The following CCDC178 variants were observed in gnomAD, a reference collection of about 807,000 sequenced individuals.
CCDC178 encodes coiled-coil domain containing 178, also known as coiled-coil domain-containing protein 178.
In CCDC178, 126 loss-of-function variants were observed where a neutral mutation model predicts 117.4. The observed-to-expected ratio is 1.07, with a 90% CI of 0.93 to 1.24. The LOEUF (loss-of-function observed/expected upper bound fraction) is 1.24, where lower values mean the gene tolerates loss of function less well. Among genes scored for constraint, CCDC178 ranks in the 50% most tolerant of loss-of-function variants. The pLI, the probability that CCDC178 is intolerant of heterozygous loss-of-function variation, is 0.00. For synonymous variants in CCDC178, 283 were observed against 313.4 expected (o/e 0.90, Z 1.02); for missense variants, 1,030 against 986.9 (o/e 1.04, Z -0.59).
chr18:33,180,019 T>C (rs529940298), intron 20 of CCDC178, among the ~76,000 whole-genome samples: 1 of 152,100 alleles, frequency 6.6e-6, no homozygotes, highest in African/African-American at 2.4e-5. Context: ...GACATTTGCT[T>C]GGAGGCTATT....
rs569618622 is a variant in CCDC178 at position 33,221,523 on chromosome 18, C to T, written c.1932+1583G>A. On this transcript the variant is annotated intron_variant, in intron 18 of 22. Transcript: ENST00000383096. ...AAGGCAAAGAGGTATGTATAAGGAG[C>T]GTCCCTTGGGAGTGATGAGGATACC... Among the ~76,000 whole-genome samples, 56 of 152,138 alleles carry T rather than the reference C, an allele frequency of 3.7e-4. 1 individual carries two copies. Among genetic ancestry groups the T allele is most frequent in the Middle Eastern group, 3.4e-3 (1 of 294 alleles).
chr18:33,058,502 T>C (rs1043604228), intron 21 of CCDC178, among the ~76,000 whole-genome samples: 1 of 152,146 alleles, frequency 6.6e-6, no homozygotes, highest in Non-Finnish European at 1.5e-5. Context: ...ACAGAAATAG[T>C]AAACCTCCTA....
At chr18:33,308,013 G>T (rs1313361681) in intron 11 of CCDC178, among the ~76,000 whole-genome samples, 1 of 152,218 alleles carries the variant, frequency 6.6e-6, no homozygotes, top group African/African-American at 2.4e-5. Flanking sequence ...AGGAATGTGG[G>T]GTCAGAGCTC....
chr18:33,093,607 C>G (rs1359528456), intron 20 of CCDC178, among the ~76,000 whole-genome samples: 2 of 151,736 alleles, frequency 1.3e-5, no homozygotes, highest in East Asian at 3.9e-4. Context: ...CTTTGCATCA[C>G]TATTCATTGG....
intron 11 of CCDC178, among the ~76,000 whole-genome samples, chr18:33,299,890 G>T (rs1167509073): frequency 6.6e-6 from 1 of 151,954 alleles, no homozygotes; most frequent in Non-Finnish European, 1.5e-5. Context: ...CAACAATGAG[G>T]TATCATATCA....
chr18:32,994,478 G>A (rs2055461500), intron 21 of CCDC178, among the ~76,000 whole-genome samples: 1 of 152,016 alleles, frequency 6.6e-6, no homozygotes, highest in African/African-American at 2.4e-5. Context: ...GTACAAATCT[G>A]GACCTATATT....
At position 33,323,527 on chromosome 18, in the gene CCDC178, T is replaced by C. The variant is rs761442755; in HGVS notation, c.986A>G (p.Asp329Gly). 1 of 1,561,986 alleles carries C rather than the reference T, an allele frequency of 6.4e-7. No homozygotes were observed. The highest frequency in any genetic ancestry group is 8.7e-7 in the Non-Finnish European group (1 of 1,154,580). Residue 329 changes from aspartate (D) to glycine (G), a missense_variant, in exon 11 of 23, where the codon GAT (aspartate) becomes GGT (glycine). Physicochemically the swap from Asp to Gly is moderately conservative, Grantham distance 94. Transcript: ENST00000383096. ...TATGGTTTTTTCATCCTGGTAAATATCCTTATCAATCTCTTCTTTAATTTG... is the reference window on the plus strand; with the variant it reads ...TATGGTTTTTTCATCCTGGTAAATACCCTTATCAATCTCTTCTTTAATTTG... ...AQQIKEEIDK[D>G]IYQDEKTIEA...
chr18:33,329,950 CTTTT>C (rs1205443998), intron 10 of CCDC178, among the ~76,000 whole-genome samples: 29 of 64,482 alleles, frequency 4.5e-4, no homozygotes, highest in African/African-American at 1.6e-3. Flanking sequence ...TGGTCCTGGG[CTTTT>C]TTTTTTTTTT....
intron 5 of CCDC178, among the ~76,000 whole-genome samples, chr18:33,379,057 T>C (rs1301329728): frequency 6.7e-6 from 1 of 149,650 alleles, no homozygotes; most frequent in Non-Finnish European, 1.5e-5. Context: ...TTTGTAAATA[T>C]TTTCATGCAG....
chr18:33,344,310 CAAAAAAA>C (rs58987470), intron 9 of CCDC178, among the ~76,000 whole-genome samples: 4 of 80,814 alleles, frequency 4.9e-5, no homozygotes, highest in Admixed American at 1.5e-4. Flanking sequence ...GACTCCGTCT[CAAAAAAA>C]AAAAAAAAAA....
intron 22 of CCDC178, among the ~76,000 whole-genome samples, chr18:32,955,454 A>T (rs547580185): frequency 3.2e-4 from 48 of 152,220 alleles, no homozygotes; most frequent in African/African-American, 1.1e-3. Flanking sequence ...TGTCATTGCA[A>T]TTATCATACT....
intron 12 of CCDC178, among the ~76,000 whole-genome samples, chr18:33,284,315 C>G (rs1023409205): frequency 5.3e-5 from 8 of 151,972 alleles, no homozygotes; most frequent in Non-Finnish European, 1.0e-4. Flanking sequence ...ACCTGGGTGA[C>G]AAAATAACCT....
intron 21 of CCDC178, among the ~76,000 whole-genome samples, chr18:32,997,961 G>A (rs917141737): frequency 6.6e-6 from 1 of 152,190 alleles, no homozygotes; most frequent in South Asian, 2.1e-4. Context: ...CTCCCGACAG[G>A]AGCATCAAAT....
chr18:32,990,878 C>A (rs1294324968), intron 21 of CCDC178, among the ~76,000 whole-genome samples: 3 of 150,902 alleles, frequency 2.0e-5, no homozygotes, highest in Non-Finnish European at 3.0e-5. Flanking sequence ...GCAAAATGAG[C>A]AAAAGATTTT....
At chr18:32,990,824 T>C (rs9954915) in intron 21 of CCDC178, among the ~76,000 whole-genome samples, 22,315 of 151,670 alleles carry the variant, frequency 0.15, 2,362 homozygotes, top group African/African-American at 0.3. Context: ...TAGGGATGAC[T>C]GATACCAATA....
At chr18:33,232,044 C>T (rs916601282) in intron 15 of CCDC178, among the ~76,000 whole-genome samples, 5 of 152,048 alleles carry the variant, frequency 3.3e-5, no homozygotes, top group African/African-American at 4.8e-5. Flanking sequence ...TCTGTCACAA[C>T]GACTCAATTC....
intron 11 of CCDC178, 31 bp downstream of exon 11, chr18:33,323,460 G>C (rs548083390): frequency 1.5e-6 from 2 of 1,350,302 alleles, no homozygotes; most frequent in Non-Finnish European, 2.0e-6. Flanking sequence ...ATTTCTAAAT[G>C]CTATAATTAG....
chr18:33,428,101 T>C (rs975009413), intron 2 of CCDC178, among the ~76,000 whole-genome samples: 6 of 152,208 alleles, frequency 3.9e-5, no homozygotes, highest in Admixed American at 2.0e-4. Context: ...TATTATGACA[T>C]AGCTTTTGTT....
chr18:33,075,198 GTATCACTGTGTATAACCTAC>G (rs1362344416), intron 21 of CCDC178, among the ~76,000 whole-genome samples: 1 of 152,088 alleles, frequency 6.6e-6, no homozygotes, highest in African/African-American at 2.4e-5. Flanking sequence ...CACTCCCCTA[GTATCACTGTGTATAACCTAC>G]TATCACTGTG....
Sources: gnomAD v4.1 joint callset for allele counts (sites outside exome capture counted in the v4.1 genomes callset) on GRCh38, gnomAD v4.1.1 for gene constraint, MANE v1.5 for transcripts, NCBI Gene and HGNC (gene_info 2026-07-23, HGNC 2026-07-21) for gene names.